The following MAD1L1 variants were observed in gnomAD, a reference collection of about 807,000 sequenced individuals.
MAD1L1 encodes the protein mitotic arrest deficient 1 like 1.
Under a neutral mutation model 96.9 loss-of-function variants are expected in MAD1L1, and 95 were observed. That is an observed-to-expected ratio of 0.98 (90% CI 0.83 to 1.16). MAD1L1 has a LOEUF of 1.16. MAD1L1 is among the 50% of genes most tolerant of loss of function. The probability of loss-of-function intolerance (pLI) is 0.00; values close to 1 mark genes in which losing one functional copy is unlikely to be tolerated. For synonymous variants in MAD1L1, 473 were observed against 396.6 expected (o/e 1.19, Z -2.29); for missense variants, 1,007 against 954.4 (o/e 1.06, Z -0.73).
chr7:1,845,243 C>G (rs1290072899), intron 18 of MAD1L1: 1 of 152,304 alleles, frequency 6.6e-6, no homozygotes, highest in Non-Finnish European at 1.5e-5. Context: ...GAGGCTGACG[C>G]AGGGCCCAGC....
chr7:2,224,599 CATG>C (rs1425341436), intron 4 of MAD1L1, among the ~76,000 whole-genome samples: 2 of 152,158 alleles, frequency 1.3e-5, no homozygotes, highest in Non-Finnish European at 2.9e-5. Flanking sequence ...GAATACACCG[CATG>C]ATGTCAGGGC....
chr7:1,816,050 T>C lies in MAD1L1; in HGVS notation c.*20A>G, dbSNP rs1404405139. 3.8e-6 allele frequency: 6 copies of C among 1,596,694 alleles called. No individual in the cohort carries two copies. The East Asian group carries it at 1.3e-4, about 36-fold the overall frequency. ...TCAGGCCAAGCAGAGTGGCTCCGGC[T>C]ATGCCCCCGAGCCTGCAGGCTACGC... On this transcript the variant is annotated 3_prime_UTR_variant, in exon 19 of 19. Transcript: ENST00000265854.
At chr7:2,002,988 C>T (rs1322450236) in intron 13 of MAD1L1, among the ~76,000 whole-genome samples, 1 of 152,294 alleles carries the variant, frequency 6.6e-6, no homozygotes, top group Non-Finnish European at 1.5e-5. Context: ...CACATTGCGG[C>T]TCTGTCCTAG....
At chr7:1,887,161 A>G (rs1321833775) in intron 18 of MAD1L1, among the ~76,000 whole-genome samples, 1 of 152,216 alleles carries the variant, frequency 6.6e-6, no homozygotes, top group Non-Finnish European at 1.5e-5. Context: ...GATCCAGATC[A>G]CAGAAGCAGG....
intron 16 of MAD1L1, among the ~76,000 whole-genome samples, chr7:1,949,099 T>C (rs529997361): frequency 6.6e-6 from 1 of 152,252 alleles, no homozygotes; most frequent in Non-Finnish European, 1.5e-5. Flanking sequence ...GCCCGGGCCC[T>C]GCTCCTTGAG....
chr7:2,114,473 G>A lies in MAD1L1; in HGVS notation c.1073+34679C>T, dbSNP rs1459817569. 6.6e-6 allele frequency among the ~76,000 whole-genome samples: 1 copy of A among 152,208 alleles called. No homozygotes were observed. The highest frequency in any genetic ancestry group is 1.5e-5 in the Non-Finnish European group (1 of 68,038). ...GGCATCTTTCCTGAAAGAGACAATT[G>A]CGAGAAATGAAAGCCTGGCTGCCGG... On this transcript the variant is annotated intron_variant, in intron 11 of 18. Transcript: ENST00000265854. This position sits in a 1 kb window ranked among gnomAD's most constrained non-coding sequence, Gnocchi z 4.2.
At chr7:2,162,431 C>A (rs1300479614) in intron 10 of MAD1L1, among the ~76,000 whole-genome samples, 1 of 152,002 alleles carries the variant, frequency 6.6e-6, no homozygotes, top group Non-Finnish European at 1.5e-5. Flanking sequence ...ATCTCAAGTA[C>A]CCAGGGACAC....
At chr7:1,957,258 C>A (rs1201785517) in intron 16 of MAD1L1, among the ~76,000 whole-genome samples, 1 of 152,262 alleles carries the variant, frequency 6.6e-6, no homozygotes, top group Non-Finnish European at 1.5e-5. Flanking sequence ...AACCTGAGGG[C>A]TTCCTGCCAT....
In MAD1L1 at chr7:2,129,739, G is replaced by A. The variant is rs375463920; in HGVS notation, c.1073+19413C>T. ...AAAACAAATGCAGTTATTTTTACACGCATGTCAGAGACAGTCCAAGGAGTG... is the reference window on the plus strand; with the variant it reads ...AAAACAAATGCAGTTATTTTTACACACATGTCAGAGACAGTCCAAGGAGTG... On this transcript the variant is annotated intron_variant, in intron 11 of 18. Transcript: ENST00000265854. Among the ~76,000 whole-genome samples, 51 of 152,298 alleles carry A rather than the reference G, an allele frequency of 3.3e-4. 1 individual carries two copies. In the South Asian group the frequency reaches 8.7e-3, roughly 26 times the overall value.
rs909927472 is a variant in MAD1L1 at position 2,142,993 on chromosome 7, C to T, written c.1073+6159G>A. 6.6e-6 allele frequency among the ~76,000 whole-genome samples: 1 copy of T among 152,134 alleles called. No homozygotes were observed. Among genetic ancestry groups the T allele is most frequent in the South Asian group, 2.1e-4 (1 of 4,824 alleles). On this transcript the variant is annotated intron_variant, in intron 11 of 18. Transcript: ENST00000265854. This position sits in a 1 kb window ranked among gnomAD's most constrained non-coding sequence, Gnocchi z 4.7. The stretch of plus-strand genomic sequence containing the variant: ...AGGAGACATCCTGCCCCACAGAGTC[C>T]CCTGGAAAACTTACCCCTGCCATGC...
intron 5 of MAD1L1, 59 bp downstream of exon 5, chr7:2,222,516 G>A (rs1793660994): frequency 1.4e-6 from 2 of 1,453,606 alleles, no homozygotes; most frequent in African/African-American, 1.4e-5. Context: ...TGGCAAACAA[G>A]AGCATGCACT....
rs1786743815 is a variant in MAD1L1, at chr7:2,100,816, GT to G, written c.1074-31479del. 2.6e-5 allele frequency among the ~76,000 whole-genome samples: 4 copies of G among 152,344 alleles called. No homozygotes were observed. The South Asian group carries it at 8.3e-4, about 32-fold the overall frequency. ...TTGGAGGGTGGGAGGGGAACAGCTCGTTGCCCAAGGCCAAGCCCCAGCGACT... is the reference window on the plus strand; with the variant it reads ...TTGGAGGGTGGGAGGGGAACAGCTCGTGCCCAAGGCCAAGCCCCAGCGACT... On this transcript the variant is annotated intron_variant, in intron 11 of 18. Transcript: ENST00000265854.
chr7:1,912,085 G>A (rs1788052192), intron 17 of MAD1L1, among the ~76,000 whole-genome samples: 1 of 152,212 alleles, frequency 6.6e-6, no homozygotes, highest in Non-Finnish European at 1.5e-5. Flanking sequence ...ACACATAGCT[G>A]TCGGGATAGT....
intron 12 of MAD1L1, among the ~76,000 whole-genome samples, chr7:2,051,916 G>C (rs1482798649): frequency 6.6e-6 from 1 of 152,048 alleles, no homozygotes; most frequent in African/African-American, 2.4e-5. Context: ...GCCAGAAACT[G>C]ATTTCACTGG....
intron 14 of MAD1L1, among the ~76,000 whole-genome samples, chr7:1,988,627 A>G (rs907764170): frequency 6.6e-6 from 1 of 151,990 alleles, no homozygotes; most frequent in Non-Finnish European, 1.5e-5. Flanking sequence ...TCTCTGGAGG[A>G]CCCGGCCGCG....
In MAD1L1 at chr7:1,936,669, G is replaced by T. The variant is rs1778620979; in HGVS notation, c.1807+18C>A. 4 of 1,545,156 alleles carry T rather than the reference G, an allele frequency of 2.6e-6. No homozygotes were observed. The highest frequency in any genetic ancestry group is 3.5e-6 in the Non-Finnish European group (4 of 1,146,544). On this transcript the variant is annotated intron_variant, in intron 17 of 18. Coordinates refer to ENST00000265854, the MANE Select transcript of MAD1L1 (RefSeq NM_001013836.2). ...GGAAGGTCGAGGATGGCAGGGACCGGGGGTGGGGGGTGCCTACCTGCCACC... is the reference window on the plus strand; with the variant it reads ...GGAAGGTCGAGGATGGCAGGGACCGTGGGTGGGGGGTGCCTACCTGCCACC...
At chr7:2,077,259 G>A (rs753944610) in intron 11 of MAD1L1, among the ~76,000 whole-genome samples, 45 of 152,202 alleles carry the variant, frequency 3.0e-4, no homozygotes, top group Non-Finnish European at 4.6e-4. Flanking sequence ...AATTGTATTC[G>A]AACCTTGGCA....
chr7:2,194,127 T>C lies in MAD1L1; in HGVS notation c.986+19085A>G, dbSNP rs552601750. On this transcript the variant is annotated intron_variant, in intron 10 of 18. Coordinates refer to ENST00000265854, the MANE Select transcript of MAD1L1 (RefSeq NM_001013836.2). ...CCTGGCTAATTTTTTTGTGTGTGTG[T>C]GTATTCTTTTGCAGAGATGAGGTCT... Among the ~76,000 whole-genome samples, 11 of 151,962 alleles carry C rather than the reference T, an allele frequency of 7.2e-5. No individual in the cohort carries two copies. In the South Asian group the frequency reaches 2.3e-3, roughly 32 times the overall value.
At chr7:1,854,293 A>G (rs923884240) in intron 18 of MAD1L1, 1 of 435,918 alleles carries the variant, frequency 2.3e-6, no homozygotes, top group Non-Finnish European at 4.6e-6. Context: ...AGACTGCCCC[A>G]GCCCCAGCAG....
Sources: allele counts gnomAD v4.1 joint callset (sites outside exome capture counted in the v4.1 genomes callset), GRCh38; gene constraint gnomAD v4.1.1; non-coding constraint Gnocchi (gnomAD v3.1); transcripts MANE v1.5; gene names NCBI Gene and HGNC (gene_info 2026-07-23, HGNC 2026-07-21).